The following ARHGAP15 variants were observed in gnomAD, a reference collection of about 807,000 sequenced individuals.
The protein encoded by ARHGAP15 is rho GTPase-activating protein 15.
Under a neutral mutation model 63.7 loss-of-function variants are expected in ARHGAP15, and 51 were observed. That is an observed-to-expected ratio of 0.80 (90% CI 0.64 to 1.01). The LOEUF (loss-of-function observed/expected upper bound fraction) is 1.01, where lower values mean the gene tolerates loss of function less well. Ranked by LOEUF, ARHGAP15 falls within the 50% of genes least tolerant of loss-of-function variation. The pLI, the probability that ARHGAP15 is intolerant of heterozygous loss-of-function variation, is 0.00. For synonymous variants in ARHGAP15, 191 were observed against 193.8 expected, an observed-to-expected ratio of 0.99 and a Z score of 0.12; for missense variants, 560 against 564.6, an observed-to-expected ratio of 0.99 and a Z score of 0.08.
intron 2 of ARHGAP15, among the ~76,000 whole-genome samples, chr2:143,163,552 A>AGGTTCTTC (rs1162669744): frequency 6.6e-6 from 1 of 152,004 alleles, no homozygotes; most frequent in East Asian, 1.9e-4. Context: ...GATTGCCTCA[A>AGGTTCTTC]GGTTCTTCTT....
chr2:143,527,170 G>T (rs1198152861), intron 10 of ARHGAP15, among the ~76,000 whole-genome samples: 1 of 151,930 alleles, frequency 6.6e-6, no homozygotes, highest in Non-Finnish European at 1.5e-5. Context: ...CTCAATTTAA[G>T]CATTAATCAA....
At chr2:143,623,792 C>T (rs1289676795) in intron 11 of ARHGAP15, among the ~76,000 whole-genome samples, 1 of 152,240 alleles carries the variant, frequency 6.6e-6, no homozygotes, top group African/African-American at 2.4e-5. Flanking sequence ...CTTAGCCCCT[C>T]GGCCTCAAAA....
At chr2:143,627,938 G>C (rs1010610231) in intron 12 of ARHGAP15, among the ~76,000 whole-genome samples, 3 of 151,962 alleles carry the variant, frequency 2.0e-5, no homozygotes, top group Non-Finnish European at 2.9e-5. Context: ...CCCAGGTATA[G>C]AGCATACTAC....
At chr2:143,148,744 A>G (rs1305044599) in intron 1 of ARHGAP15, among the ~76,000 whole-genome samples, 1 of 152,028 alleles carries the variant, frequency 6.6e-6, no homozygotes, top group Non-Finnish European at 1.5e-5. Flanking sequence ...CTTTACTGTG[A>G]TCTTCCTTTC....
intron 12 of ARHGAP15, among the ~76,000 whole-genome samples, chr2:143,698,820 T>G (rs983853376): frequency 3.3e-5 from 5 of 152,106 alleles, no homozygotes; most frequent in Non-Finnish European, 7.4e-5. Context: ...TGGAAAGATT[T>G]TGTATAAGTC....
intron 9 of ARHGAP15, among the ~76,000 whole-genome samples, chr2:143,490,763 G>A (rs1386826730): frequency 6.6e-6 from 1 of 152,048 alleles, no homozygotes; most frequent in Non-Finnish European, 1.5e-5. Context: ...GGGATTACAG[G>A]CATGCACCAC....
intron 12 of ARHGAP15, among the ~76,000 whole-genome samples, chr2:143,690,858 G>A (rs1290733817): frequency 6.6e-6 from 1 of 152,030 alleles, no homozygotes; most frequent in Admixed American, 6.6e-5. Flanking sequence ...TGAGTCTCAA[G>A]TCTTTAACAA....
At chr2:143,542,504 C>T (rs564683971) in intron 10 of ARHGAP15, among the ~76,000 whole-genome samples, 33 of 151,680 alleles carry the variant, frequency 2.2e-4, no homozygotes, top group East Asian at 3.9e-4. Flanking sequence ...TGTTCCTATT[C>T]GGCCATCTTG....
chr2:143,174,179 C>A (rs985005183), intron 2 of ARHGAP15, among the ~76,000 whole-genome samples: 15 of 152,058 alleles, frequency 9.9e-5, no homozygotes, highest in Non-Finnish European at 1.8e-4. Flanking sequence ...ATTCATAATA[C>A]CAGCTCTGCC....
At chr2:143,228,790 G>A (rs1350472110) in intron 5 of ARHGAP15, 122 bp downstream of exon 5, 2 of 615,344 alleles carry the variant, frequency 3.3e-6, no homozygotes, top group African/African-American at 3.8e-5. Flanking sequence ...AACAGATGGA[G>A]AAAATGACTC....
intron 6 of ARHGAP15, among the ~76,000 whole-genome samples, chr2:143,400,193 GAAATT>G (rs1687932574): frequency 6.6e-6 from 1 of 151,924 alleles, no homozygotes; most frequent in Non-Finnish European, 1.5e-5. Flanking sequence ...TCAACTGTTA[GAAATT>G]AAATGTTACA....
intron 8 of ARHGAP15, among the ~76,000 whole-genome samples, chr2:143,484,440 G>A (rs541986968): frequency 1.7e-3 from 259 of 152,098 alleles, no homozygotes; most frequent in Non-Finnish European, 2.7e-3. Flanking sequence ...GCTGAGGCAC[G>A]AGAATCACTT....
intron 5 of ARHGAP15, among the ~76,000 whole-genome samples, chr2:143,250,070 G>A (rs1233270612): frequency 2.0e-5 from 3 of 151,090 alleles, no homozygotes; most frequent in African/African-American, 7.4e-5. Flanking sequence ...CTAAAACTCT[G>A]TAACAGTTTT....
chr2:143,426,288 A>C (rs908464653), intron 6 of ARHGAP15, among the ~76,000 whole-genome samples: 1 of 152,164 alleles, frequency 6.6e-6, no homozygotes, highest in Non-Finnish European at 1.5e-5. Flanking sequence ...ATGATAATAG[A>C]GGCTGTGAAT....
intron 12 of ARHGAP15, among the ~76,000 whole-genome samples, chr2:143,641,905 T>C (rs1305909618): frequency 3.3e-5 from 5 of 152,088 alleles, no homozygotes; most frequent in Non-Finnish European, 5.9e-5. Flanking sequence ...GTATACAAAC[T>C]TGCCCCTCAA....
At chr2:143,606,035 C>CAAAAAA (rs869266541) in intron 11 of ARHGAP15, among the ~76,000 whole-genome samples, 306 of 22,848 alleles carry the variant, frequency 0.013, 68 homozygotes, top group East Asian at 0.053. Flanking sequence ...GACTCTGTCT[C>CAAAAAA]AAAAAAAAAA....
chr2:143,470,902 A>G (rs556450526), intron 8 of ARHGAP15, among the ~76,000 whole-genome samples: 47 of 150,178 alleles, frequency 3.1e-4, no homozygotes, highest in Non-Finnish European at 5.2e-4. Flanking sequence ...TTATGTGTGT[A>G]TATATATACA....
intron 6 of ARHGAP15, among the ~76,000 whole-genome samples, chr2:143,324,836 G>A (rs1259530390): frequency 6.6e-6 from 1 of 152,110 alleles, no homozygotes; most frequent in Non-Finnish European, 1.5e-5. Context: ...TTGACATTTT[G>A]ATGAATTTTC....
At chr2:143,693,835 T>C (rs1234166026) in intron 12 of ARHGAP15, among the ~76,000 whole-genome samples, 2 of 152,170 alleles carry the variant, frequency 1.3e-5, no homozygotes, top group Non-Finnish European at 2.9e-5. Context: ...ATAAAACTGG[T>C]TTACTTCTTA....
Sources: allele counts gnomAD v4.1 joint callset (sites outside exome capture counted in the v4.1 genomes callset), GRCh38; gene constraint gnomAD v4.1.1; transcripts MANE v1.5; gene names NCBI Gene and HGNC (gene_info 2026-07-23, HGNC 2026-07-21).